NTM: variants seen among roughly 807,000 people sequenced by gnomAD.
NTM encodes neurotrimin.
Under a neutral mutation model 42.1 loss-of-function variants are expected in NTM, and 13 were observed. The observed-to-expected ratio is 0.31, with a 90% CI of 0.20 to 0.49. The LOEUF is 0.49. Among genes scored for constraint, NTM ranks in the 20% least tolerant of loss-of-function variants. The pLI is 0.99. For missense variants in NTM, 373 were observed against 452.8 expected, an observed-to-expected ratio of 0.82 and a Z score of 1.60; for synonymous variants, 187 against 179.2, an observed-to-expected ratio of 1.04 and a Z score of -0.35.
chr11:132,023,606 A>T (rs543005), intron 2 of NTM, among the ~76,000 whole-genome samples: 3 of 151,736 alleles, frequency 2.0e-5, no homozygotes, highest in Non-Finnish European at 4.4e-5. Context: ...CACCAAGAGC[A>T]CCCCTCTGTC....
intron 3 of NTM, among the ~76,000 whole-genome samples, chr11:132,180,442 T>C (rs139162927): frequency 3.9e-5 from 6 of 152,232 alleles, no homozygotes; most frequent in African/African-American, 1.4e-4. Flanking sequence ...AAAAGGCACT[T>C]CAATCCTTAA....
chr11:131,598,916 CTTCCTTCT>C (rs2060209789), intron 1 of NTM, among the ~76,000 whole-genome samples: 2 of 130,008 alleles, frequency 1.5e-5, no homozygotes, highest in South Asian at 4.8e-4. Context: ...TCCTTCCTTC[CTTCCTTCT>C]TTCCTTTCAG....
chr11:131,758,577 C>CT (rs368977746), intron 1 of NTM, among the ~76,000 whole-genome samples: 1 of 150,988 alleles, frequency 6.6e-6, no homozygotes, highest in African/African-American at 2.4e-5. Context: ...TCCTTCCTTC[C>CT]TTTTTTTCTT....
intron 2 of NTM, among the ~76,000 whole-genome samples, chr11:132,024,866 C>G (rs115478787): frequency 6.6e-6 from 1 of 152,144 alleles, no homozygotes; most frequent in East Asian, 1.9e-4. Context: ...GAACACACAC[C>G]GACTACAGGC....
At chr11:132,027,256 G>C (rs2075307128) in intron 2 of NTM, among the ~76,000 whole-genome samples, 1 of 152,150 alleles carries the variant, frequency 6.6e-6, no homozygotes, top group South Asian at 2.1e-4. Flanking sequence ...TACAACAACT[G>C]ATGAATTTGT....
At chr11:132,092,642 C>T (rs949288313) in intron 2 of NTM, among the ~76,000 whole-genome samples, 5 of 152,210 alleles carry the variant, frequency 3.3e-5, no homozygotes, top group Non-Finnish European at 7.3e-5. Flanking sequence ...ATGACTCCCT[C>T]ATCGATGGCT....
At chr11:132,243,230 G>A (rs888251818) in intron 4 of NTM, among the ~76,000 whole-genome samples, 1 of 152,234 alleles carries the variant, frequency 6.6e-6, no homozygotes, top group African/African-American at 2.4e-5. Context: ...TCTGAGAGAG[G>A]AGGCTTTCTG....
At chr11:132,164,501 G>A (rs186232509) in intron 3 of NTM, among the ~76,000 whole-genome samples, 277 of 152,230 alleles carry the variant, frequency 1.8e-3, no homozygotes, top group Admixed American at 4.3e-3. Flanking sequence ...TTCTTTATTT[G>A]ACTATGAACT....
Position 132,041,807 on chromosome 11 carries a change from G to A in NTM, c.168-104475G>A, listed in dbSNP as rs568107339. ...TTGCTTCTGGCTCTCACGTTTACTA[G>A]CAGTGTGACTTTCAGCAAGTCACTG... On this transcript the variant is annotated intron_variant, in intron 2 of 8. Coordinates refer to ENST00000683400, the MANE Select transcript of NTM (RefSeq NM_001352005.2). 5.6e-4 allele frequency among the ~76,000 whole-genome samples: 85 copies of A among 152,236 alleles called. 1 individual carries two copies. The highest frequency in any genetic ancestry group is 2.0e-3 in the African/African-American group (83 of 41,550).
intron 1 of NTM, among the ~76,000 whole-genome samples, chr11:131,818,039 G>A (rs764178581): frequency 6.6e-6 from 1 of 152,168 alleles, no homozygotes; most frequent in African/African-American, 2.4e-5. Context: ...GGTGTTGACA[G>A]TACACACTTG....
intron 1 of NTM, among the ~76,000 whole-genome samples, chr11:131,643,026 A>G (rs2065320474): frequency 6.7e-6 from 1 of 149,848 alleles, no homozygotes; most frequent in Non-Finnish European, 1.5e-5. Flanking sequence ...AATATTTTAC[A>G]TTCTACACTT....
At chr11:131,457,016 A>G (rs1446445808) in intron 1 of NTM, among the ~76,000 whole-genome samples, 2 of 152,164 alleles carry the variant, frequency 1.3e-5, no homozygotes, top group South Asian at 2.1e-4. Context: ...TGCAATGTTT[A>G]TTTCAGGGAA....
At chr11:131,680,238 A>T (rs925780971) in intron 1 of NTM, among the ~76,000 whole-genome samples, 10 of 152,214 alleles carry the variant, frequency 6.6e-5, no homozygotes, top group Non-Finnish European at 1.3e-4. Flanking sequence ...TTTGGATTTT[A>T]CCAAAATGAA....
chr11:131,979,588 A>T (rs1399779420), intron 2 of NTM, among the ~76,000 whole-genome samples: 1 of 152,202 alleles, frequency 6.6e-6, no homozygotes. Flanking sequence ...ATGATCTGCC[A>T]GTCTCTTAGT....
At chr11:131,966,851 T>A (rs2062898660) in intron 2 of NTM, among the ~76,000 whole-genome samples, 1 of 152,132 alleles carries the variant, frequency 6.6e-6, no homozygotes. Context: ...TGGTGGCAAG[T>A]GGTCAGATAG....
chr11:132,069,654 A>G (rs1176710860), intron 2 of NTM, among the ~76,000 whole-genome samples: 6 of 151,058 alleles, frequency 4.0e-5, no homozygotes, highest in Non-Finnish European at 7.4e-5. Context: ...TCACCCAGCC[A>G]AGTTAACACG....
At chr11:131,462,828 G>T (rs200389584) in intron 1 of NTM, among the ~76,000 whole-genome samples, 1 of 132,204 alleles carries the variant, frequency 7.6e-6, no homozygotes, top group Non-Finnish European at 1.5e-5. Flanking sequence ...ACCTAGGGTG[G>T]TCCACCACCT....
rs143508470 is a variant in NTM, at chr11:131,634,795, A to C, written c.82+263907A>C. Reference sequence around the variant, plus strand: ...TTTGTAAAATGGGTTTAATAATATAATTTAATTTCCTCTGTTTTGCATACT... The same window carrying C: ...TTTGTAAAATGGGTTTAATAATATACTTTAATTTCCTCTGTTTTGCATACT... On this transcript the variant is annotated intron_variant, in intron 1 of 8. Coordinates refer to ENST00000683400, the MANE Select transcript of NTM (RefSeq NM_001352005.2). Among the ~76,000 whole-genome samples the C allele has an allele frequency of 5.0e-3, 760 of 152,284 alleles. 4 individuals are homozygous for C. The highest frequency in any genetic ancestry group is 0.017 in the African/African-American group (720 of 41,552).
intron 1 of NTM, among the ~76,000 whole-genome samples, chr11:131,839,613 C>A (rs1375569123): frequency 1.3e-5 from 2 of 152,146 alleles, no homozygotes; most frequent in East Asian, 3.9e-4. Flanking sequence ...ACTTATAGGT[C>A]ACCATAAGAA....
Sources: gnomAD v4.1 joint callset for allele counts (sites outside exome capture counted in the v4.1 genomes callset) on GRCh38, gnomAD v4.1.1 for gene constraint, MANE v1.5 for transcripts, NCBI Gene and HGNC (gene_info 2026-07-23, HGNC 2026-07-21) for gene names.